Variants in OLA1 observed in about 807,000 individuals in gnomAD.
OLA1 encodes the protein obg-like ATPase 1.
In OLA1, 14 loss-of-function variants were observed where a neutral mutation model predicts 48.4. That is an observed-to-expected ratio of 0.29 (90% CI 0.19 to 0.45). The LOEUF is 0.45. Among genes scored for constraint, OLA1 ranks in the 20% least tolerant of loss-of-function variants. OLA1 has a pLI of 1.00. For synonymous variants in OLA1, 127 were observed against 150.4 expected, an observed-to-expected ratio of 0.84 and a Z score of 1.14; for missense variants, 325 against 467.1, an observed-to-expected ratio of 0.70 and a Z score of 2.80.
At chr2:174,129,534 T>C (rs1686128124) in intron 5 of OLA1, among the ~76,000 whole-genome samples, 1 of 151,052 alleles carries the variant, frequency 6.6e-6, no homozygotes, top group Non-Finnish European at 1.5e-5. Flanking sequence ...TGTGATTCCA[T>C]TTATGGTTTT....
In OLA1 at chr2:174,139,864, C is replaced by CAA. The variant is rs1162058790; in HGVS notation, c.549+1959_549+1960dup. 5.9e-3 allele frequency among the ~76,000 whole-genome samples: 450 copies of CAA among 76,442 alleles called. 5 individuals carry two copies. Among genetic ancestry groups the CAA allele is most frequent in the African/African-American group, 0.022 (419 of 19,002 alleles). 50.1% of individuals were successfully genotyped at this position (76,442 alleles called of 152,430 possible). On this transcript the variant is annotated intron_variant, in intron 5 of 10. Coordinates refer to ENST00000284719, the MANE Select transcript of OLA1 (RefSeq NM_013341.5). Reference sequence around the variant, plus strand: ...TGGGCAACAGAGTGAGACTCAGTCTCAAAAAAAAAAAAAAAAGAAAGAAAG... The same window carrying CAA: ...TGGGCAACAGAGTGAGACTCAGTCTCAAAAAAAAAAAAAAAAAAGAAAGAAAG...
chr2:174,145,956 T>C (rs1686587317), intron 4 of OLA1, among the ~76,000 whole-genome samples: 2 of 152,010 alleles, frequency 1.3e-5, no homozygotes, highest in Non-Finnish European at 1.5e-5. Context: ...GAGTGAGGAG[T>C]TGTGCAATAC....
chr2:174,187,177 T>A (rs755744255), intron 4 of OLA1, among the ~76,000 whole-genome samples: 3 of 152,188 alleles, frequency 2.0e-5, no homozygotes, highest in African/African-American at 2.4e-5. Flanking sequence ...TAATAAAGCA[T>A]CTGCTGATCA....
intron 2 of OLA1, among the ~76,000 whole-genome samples, chr2:174,245,615 C>G (rs2105469509): frequency 6.6e-6 from 1 of 152,268 alleles, no homozygotes; most frequent in South Asian, 2.1e-4. Flanking sequence ...ACACTTGGAC[C>G]CAGTGCAGTG....
chr2:174,092,616 C>T (rs1300105303), intron 7 of OLA1, among the ~76,000 whole-genome samples: 7 of 152,084 alleles, frequency 4.6e-5, no homozygotes. Context: ...GAGCTGTGAT[C>T]GCACCACTGC....
chr2:174,218,536 G>A (rs750965053), intron 4 of OLA1, among the ~76,000 whole-genome samples: 3 of 152,172 alleles, frequency 2.0e-5, no homozygotes, highest in Admixed American at 6.5e-5. Context: ...CCATAGTTAC[G>A]AGTTAGCATA....
chr2:174,077,343 T>C (rs1684766899), intron 10 of OLA1, among the ~76,000 whole-genome samples: 1 of 151,696 alleles, frequency 6.6e-6, no homozygotes, highest in African/African-American at 2.4e-5. Flanking sequence ...CATACATACA[T>C]ACATACATAC....
At chr2:174,150,130 T>G (rs1686709695) in intron 4 of OLA1, among the ~76,000 whole-genome samples, 1 of 152,228 alleles carries the variant, frequency 6.6e-6, no homozygotes, top group Non-Finnish European at 1.5e-5. Context: ...TGCAGCAGTG[T>G]TGAGAAGTGG....
intron 4 of OLA1, among the ~76,000 whole-genome samples, chr2:174,199,525 C>A (rs1687946622): frequency 6.6e-6 from 1 of 152,114 alleles, no homozygotes; most frequent in Non-Finnish European, 1.5e-5. Context: ...GCCACTGTAA[C>A]CCTGACAACT....
chr2:174,229,401 T>C lies in OLA1; in HGVS notation c.152A>G (p.Asn51Ser). The C allele has an allele frequency of 6.2e-7, 1 of 1,613,294 alleles. No individual in the cohort carries two copies. The highest frequency in any genetic ancestry group is 8.5e-7 in the Non-Finnish European group (1 of 1,179,558). ...AGGATCAATAGTGCAGAACGGGAAGTTTTCTGCTGAAGCCTGACTATTGGT... is the reference window on the plus strand; with the variant it reads ...AGGATCAATAGTGCAGAACGGGAAGCTTTCTGCTGAAGCCTGACTATTGGT... ...VLTNSQASAE[N>S]FPFCTIDPNE... Residue 51 changes from asparagine (N) to serine (S), a missense_variant, in exon 3 of 11, where the codon AAC becomes AGC. Asn to Ser is a conservative substitution (Grantham distance 46, BLOSUM62 1). Coordinates refer to ENST00000284719, the MANE Select transcript of OLA1 (RefSeq NM_013341.5).
At chr2:174,103,191 ATCAT>A (rs1685436950) in intron 7 of OLA1, among the ~76,000 whole-genome samples, 1 of 98,100 alleles carries the variant, frequency 1.0e-5, no homozygotes, top group South Asian at 2.9e-4. Context: ...GTACATGTGT[ATCAT>A]GTGTATTTGG....
chr2:174,162,206 A>G (rs1687027315), intron 4 of OLA1, among the ~76,000 whole-genome samples: 1 of 152,202 alleles, frequency 6.6e-6, no homozygotes, highest in Admixed American at 6.5e-5. Flanking sequence ...TAGAACAGAA[A>G]AGAAAGCACT....
At chr2:174,239,884 A>C (rs1241679906) in intron 2 of OLA1, among the ~76,000 whole-genome samples, 1 of 149,906 alleles carries the variant, frequency 6.7e-6, no homozygotes, top group African/African-American at 2.4e-5. Context: ...ACAGAGCGAG[A>C]CTCTATCTCA....
At chr2:174,237,676 C>T (rs1427308262) in intron 2 of OLA1, among the ~76,000 whole-genome samples, 1 of 152,128 alleles carries the variant, frequency 6.6e-6, no homozygotes, top group African/African-American at 2.4e-5. Context: ...ATTGCTTGAG[C>T]CCAGGAGCTC....
At chr2:174,212,297 T>C (rs1688262421) in intron 4 of OLA1, among the ~76,000 whole-genome samples, 1 of 152,180 alleles carries the variant, frequency 6.6e-6, no homozygotes, top group Non-Finnish European at 1.5e-5. Context: ...CTAAACATAT[T>C]TAAATATAAA....
At chr2:174,220,477 A>G (rs1046912138) in intron 4 of OLA1, among the ~76,000 whole-genome samples, 10 of 152,122 alleles carry the variant, frequency 6.6e-5, no homozygotes, top group Admixed American at 6.5e-4. Context: ...AAAGACATCT[A>G]ATATTTATGT....
At chr2:174,163,159 A>G (rs1026377891) in intron 4 of OLA1, among the ~76,000 whole-genome samples, 2 of 152,242 alleles carry the variant, frequency 1.3e-5, no homozygotes, top group African/African-American at 4.8e-5. Context: ...ATTCTGGATT[A>G]CTAGGGAGAA....
intron 9 of OLA1, chr2:174,080,846 C>T: frequency 4.5e-6 from 1 of 224,450 alleles, no homozygotes; most frequent in South Asian, 8.7e-5. Flanking sequence ...CAAACCCAGT[C>T]ACACAGATTA....
At chr2:174,077,321 TATACATACATACATACATAC>T (rs34621038) in intron 10 of OLA1, among the ~76,000 whole-genome samples, 8 of 150,644 alleles carry the variant, frequency 5.3e-5, no homozygotes, top group South Asian at 2.1e-4. Flanking sequence ...TAGAAATACA[TATACATACATACATACATAC>T]ATACATACAT....
Sources: gnomAD v4.1 joint callset for allele counts (sites outside exome capture counted in the v4.1 genomes callset) on GRCh38, gnomAD v4.1.1 for gene constraint, MANE v1.5 for transcripts, NCBI Gene and HGNC (gene_info 2026-07-23, HGNC 2026-07-21) for gene names.